ETV1: variants seen among roughly 807,000 people sequenced by gnomAD.
The protein encoded by ETV1 is ETS translocation variant 1.
ETV1 carries 27 observed loss-of-function variants against 62.3 expected under a neutral mutation model. The ratio of observed to expected loss-of-function variants is 0.43; its 90% confidence interval spans 0.32 to 0.60. The LOEUF is 0.60. ETV1 is among the 20% of genes least tolerant of loss of function. The pLI is 0.06. For synonymous variants in ETV1, 222 were observed against 199.6 expected (o/e 1.11, Z -0.94); for missense variants, 605 against 605.8 (o/e 1.00, Z 0.01).
chr7:13,935,890 A>G lies in ETV1; in HGVS notation c.372T>C (p.Tyr124=), dbSNP rs754373639. ...GEKCLYNVSA[Y]DQKPQVGMRP... ...TCATTCCCACTTGTGGCTTCTGATC[A>G]TAGGCACTACCCAGGGGACAAAAGA... Residue 124 remains tyrosine, a synonymous_variant, in exon 8 of 14, where the codon TAT becomes TAC. Coordinates refer to ENST00000430479, the MANE Select transcript of ETV1 (RefSeq NM_004956.5). 1.9e-6 allele frequency: 3 copies of G among 1,612,710 alleles called. No individual in the cohort carries two copies. Among genetic ancestry groups the G allele is most frequent in the Non-Finnish European group, 2.5e-6 (3 of 1,179,048 alleles).
chr7:13,934,338 T>C (rs1024674975), intron 8 of ETV1, among the ~76,000 whole-genome samples: 9 of 152,236 alleles, frequency 5.9e-5, no homozygotes, highest in African/African-American at 2.2e-4. Context: ...AACGCTTTCA[T>C]CTTACGCCCT....
intron 6 of ETV1, among the ~76,000 whole-genome samples, chr7:13,941,675 A>G (rs1787521040): frequency 6.6e-6 from 1 of 152,116 alleles, no homozygotes; most frequent in South Asian, 2.1e-4. Flanking sequence ...GTTGGAGACC[A>G]GCCTGGTCAA....
At chr7:13,953,232 T>C (rs1016226458) in intron 6 of ETV1, among the ~76,000 whole-genome samples, 3 of 152,068 alleles carry the variant, frequency 2.0e-5, no homozygotes, top group African/African-American at 4.8e-5. Context: ...ATCTAATAAA[T>C]TGAAATGAAG....
intron 13 of ETV1, 77 bp from the exon 14 acceptor site, chr7:13,896,164 A>T (rs1279402002): frequency 8.0e-7 from 1 of 1,257,510 alleles, no homozygotes; most frequent in Non-Finnish European, 1.1e-6. Flanking sequence ...AAAGCCAAAA[A>T]CGTGGTTTAA....
chr7:13,935,587 C>T (rs1427449726), intron 8 of ETV1, 121 bp downstream of exon 8: 3 of 752,280 alleles, frequency 4.0e-6, no homozygotes. Context: ...AAATATTTTG[C>T]ACAGATGTGC....
intron 3 of ETV1, 86 bp from the exon 4 acceptor site, chr7:13,988,259 G>C: frequency 1.5e-5 from 9 of 584,478 alleles, no homozygotes; most frequent in South Asian, 2.3e-5. Flanking sequence ...CACACACACA[G>C]ACATGCATAC....
intron 8 of ETV1, 31 bp downstream of exon 8, chr7:13,935,677 A>G (rs755374507): frequency 6.3e-7 from 1 of 1,591,350 alleles, no homozygotes; most frequent in Admixed American, 1.7e-5. Flanking sequence ...CGCAAAAAAC[A>G]GTTTCTAGAA....
intron 6 of ETV1, among the ~76,000 whole-genome samples, chr7:13,967,060 G>T (rs1465981052): frequency 6.6e-6 from 1 of 151,916 alleles, no homozygotes; most frequent in African/African-American, 2.4e-5. Context: ...GGTAAAATAA[G>T]AACTGTTATA....
chr7:13,976,226 G>A (rs1781438214), intron 6 of ETV1, among the ~76,000 whole-genome samples: 1 of 152,198 alleles, frequency 6.6e-6, no homozygotes, highest in African/African-American at 2.4e-5. Context: ...AGAAATGGGA[G>A]TTATTGTTTT....
At chr7:13,970,566 C>G (rs1216218735) in intron 6 of ETV1, among the ~76,000 whole-genome samples, 6 of 152,132 alleles carry the variant, frequency 3.9e-5, no homozygotes, top group Admixed American at 2.0e-4. Flanking sequence ...AATGCCATTT[C>G]TCTTTCAGTG....
At chr7:13,983,562 T>G (rs1782211449) in intron 5 of ETV1, among the ~76,000 whole-genome samples, 1 of 150,802 alleles carries the variant, frequency 6.6e-6, no homozygotes, top group Non-Finnish European at 1.5e-5. Flanking sequence ...GAATTGCACA[T>G]AGTAAAATTA....
chr7:13,931,456 G>A (rs757036639), intron 9 of ETV1, 46 bp downstream of exon 9: 89 of 1,609,896 alleles, frequency 5.5e-5, no homozygotes, highest in Non-Finnish European at 7.6e-5. Context: ...TGACAAGGGA[G>A]GTGAAAAAGT....
At chr7:13,947,724 T>A (rs1424511600) in intron 6 of ETV1, among the ~76,000 whole-genome samples, 2 of 152,268 alleles carry the variant, frequency 1.3e-5, no homozygotes, top group East Asian at 3.8e-4. Context: ...ATGAGATTTT[T>A]ATTCATTCAT....
intron 6 of ETV1, among the ~76,000 whole-genome samples, chr7:13,941,745 C>A (rs1395451316): frequency 6.6e-6 from 1 of 151,986 alleles, no homozygotes; most frequent in African/African-American, 2.4e-5. Flanking sequence ...GTGATGTCCA[C>A]CTATAATTCC....
rs567044461 is a variant in ETV1 at position 13,936,033 on chromosome 7, T to C, written c.366-137A>G. ...GAAAACTTTGTTGTTGCTATTGTTG[T>C]TTAAATCCAGAACAGATAAACTTCA... On this transcript the variant is annotated intron_variant, in intron 7 of 13. Coordinates refer to ENST00000430479, the MANE Select transcript of ETV1 (RefSeq NM_004956.5). 4 of 685,984 alleles carry C rather than the reference T, an allele frequency of 5.8e-6. No individual in the cohort carries two copies. The South Asian group carries it at 8.0e-5, about 14-fold the overall frequency. The allele number at this position is 685,984 out of a possible 1,614,324, so 42.5% of individuals were successfully genotyped here. A position where few individuals can be genotyped will look rare whatever the true frequency, so the allele number is the denominator to read the frequency against.
At chr7:13,940,959 A>G (rs1219078245) in intron 6 of ETV1, among the ~76,000 whole-genome samples, 1 of 152,216 alleles carries the variant, frequency 6.6e-6, no homozygotes, top group Admixed American at 6.5e-5. Flanking sequence ...GAGAAACTTA[A>G]CACATAATAA....
At chr7:13,937,656 A>T (rs1484798411) in intron 7 of ETV1, among the ~76,000 whole-genome samples, 2 of 152,242 alleles carry the variant, frequency 1.3e-5, no homozygotes, top group Non-Finnish European at 2.9e-5. Context: ...ATGTTAAATA[A>T]TTATGCTGTG....
intron 12 of ETV1, among the ~76,000 whole-genome samples, chr7:13,901,991 A>T (rs1185790576): frequency 6.6e-6 from 1 of 152,124 alleles, no homozygotes; most frequent in African/African-American, 2.4e-5. Context: ...TCACCACCCC[A>T]GGCTAGCCAA....
intron 5 of ETV1, among the ~76,000 whole-genome samples, chr7:13,983,314 A>G (rs1782190204): frequency 6.6e-6 from 1 of 152,024 alleles, no homozygotes; most frequent in South Asian, 2.1e-4. Context: ...TTAGTAGGTG[A>G]GCTTTAAGAA....
Sources: gnomAD v4.1 joint callset for allele counts (sites outside exome capture counted in the v4.1 genomes callset) on GRCh38, gnomAD v4.1.1 for gene constraint, MANE v1.5 for transcripts, NCBI Gene and HGNC (gene_info 2026-07-23, HGNC 2026-07-21) for gene names.